The following SENP7 variants were observed in gnomAD, a reference collection of about 807,000 sequenced individuals.
The protein encoded by SENP7 is sentrin-specific protease 7.
SENP7 carries 64 observed loss-of-function variants against 141.2 expected under a neutral mutation model. The ratio of observed to expected loss-of-function variants is 0.45; its 90% CI spans 0.37 to 0.56. SENP7 has a LOEUF of 0.56. SENP7 is among the 20% of genes least tolerant of loss of function. The pLI is 0.00. For synonymous variants in SENP7, 382 were observed against 426.4 expected, an observed-to-expected ratio of 0.90 and a Z score of 1.28; for missense variants, 1,025 against 1,212.2, an observed-to-expected ratio of 0.85 and a Z score of 2.29.
At chr3:101,463,378 T>TATATATATATATATAGAC (rs1553744687) in intron 3 of SENP7, among the ~76,000 whole-genome samples, 1 of 84,410 alleles carries the variant, frequency 1.2e-5, no homozygotes, top group Non-Finnish European at 2.2e-5. Flanking sequence ...TATATATATA[T>TATATATATATATATAGAC]ATATATATAT....
intron 23 of SENP7, 66 bp downstream of exon 23, chr3:101,327,600 C>T (rs2058938100): frequency 3.2e-6 from 4 of 1,253,864 alleles, no homozygotes; most frequent in Admixed American, 2.2e-5. Flanking sequence ...CGGACTATTA[C>T]ACCCAGTAAC....
intron 4 of SENP7, among the ~76,000 whole-genome samples, chr3:101,455,644 A>G (rs1447875341): frequency 6.6e-6 from 1 of 152,194 alleles, no homozygotes; most frequent in Non-Finnish European, 1.5e-5. Flanking sequence ...CCATTAAAAG[A>G]GAAAAACCAA....
rs2062938061 is a variant in SENP7 at position 101,447,407 on chromosome 3, A to C, written c.284+11548T>G. On this transcript the variant is annotated intron_variant, in intron 4 of 23. Coordinates refer to ENST00000394095, the MANE Select transcript of SENP7 (RefSeq NM_020654.5). ...CAGTGAGTTATGACCATGGCACTGTACTCCAGTCCACGCAACAGAACAAGA... is the reference window on the plus strand; with the variant it reads ...CAGTGAGTTATGACCATGGCACTGTCCTCCAGTCCACGCAACAGAACAAGA... Among the ~76,000 whole-genome samples the C allele has an allele frequency of 2.0e-5, 3 of 152,186 alleles. No individual in the cohort carries two copies. In the South Asian group the frequency reaches 6.2e-4, roughly 31 times the overall value.
chr3:101,344,659 A>G (rs972407821), intron 13 of SENP7, among the ~76,000 whole-genome samples: 1 of 152,200 alleles, frequency 6.6e-6, no homozygotes, highest in Admixed American at 6.5e-5. Context: ...CTCAAGATGT[A>G]TATTATATAG....
At chr3:101,345,676 C>A (rs1341673499) in intron 13 of SENP7, among the ~76,000 whole-genome samples, 2 of 152,106 alleles carry the variant, frequency 1.3e-5, no homozygotes. Context: ...GGAAAGGACA[C>A]CTTATTCAAC....
At chr3:101,429,981 G>T (rs916645594) in intron 4 of SENP7, among the ~76,000 whole-genome samples, 12 of 152,028 alleles carry the variant, frequency 7.9e-5, no homozygotes, top group Non-Finnish European at 1.3e-4. Context: ...TTATGTGATG[G>T]ATTACGTTTA....
At chr3:101,402,030 A>G (rs1032259921) in intron 5 of SENP7, among the ~76,000 whole-genome samples, 9 of 151,956 alleles carry the variant, frequency 5.9e-5, no homozygotes, top group Non-Finnish European at 1.2e-4. Context: ...CTATCTCCAT[A>G]ACATGAAATG....
chr3:101,431,848 C>T (rs1177880076), intron 4 of SENP7, among the ~76,000 whole-genome samples: 1 of 148,336 alleles, frequency 6.7e-6, no homozygotes, highest in Non-Finnish European at 1.5e-5. Context: ...GCATTTGTTA[C>T]TTGACAACTG....
chr3:101,421,213 AATGT>A (rs2107671830), intron 4 of SENP7, among the ~76,000 whole-genome samples: 1 of 152,256 alleles, frequency 6.6e-6, no homozygotes, highest in Non-Finnish European at 1.5e-5. Context: ...TTCCCCAAAA[AATGT>A]ATGTATATGT....
intron 4 of SENP7, among the ~76,000 whole-genome samples, chr3:101,449,862 A>C (rs565490292): frequency 6.6e-6 from 1 of 152,320 alleles, no homozygotes; most frequent in East Asian, 1.9e-4. Flanking sequence ...ATTCACACAT[A>C]ACAATATTAA....
chr3:101,354,705 G>T (rs1406358936), intron 11 of SENP7, among the ~76,000 whole-genome samples: 2 of 152,054 alleles, frequency 1.3e-5, no homozygotes, highest in African/African-American at 4.8e-5. Context: ...CAATTCACAT[G>T]TATATGTCTT....
intron 4 of SENP7, among the ~76,000 whole-genome samples, chr3:101,423,201 C>T (rs2061842907): frequency 6.6e-6 from 1 of 151,954 alleles, no homozygotes; most frequent in Non-Finnish European, 1.5e-5. Context: ...TCTTATTTTT[C>T]TGGTCTTTAA....
intron 6 of SENP7, among the ~76,000 whole-genome samples, chr3:101,383,083 T>C (rs1328519222): frequency 2.0e-5 from 3 of 152,220 alleles, no homozygotes; most frequent in East Asian, 3.8e-4. Context: ...CCAAATCTCA[T>C]AGTGAACTAT....
intron 4 of SENP7, among the ~76,000 whole-genome samples, chr3:101,422,336 A>AAAGGTT (rs2061815915): frequency 6.6e-6 from 1 of 152,172 alleles, no homozygotes; most frequent in Non-Finnish European, 1.5e-5. Context: ...GCTGCTTTAA[A>AAAGGTT]GGGTTATCAT....
chr3:101,500,707 T>C (rs1576540549), intron 2 of SENP7, among the ~76,000 whole-genome samples: 1 of 152,344 alleles, frequency 6.6e-6, no homozygotes, highest in South Asian at 2.1e-4. Context: ...ATAGTAATGT[T>C]CAGCACATAC....
intron 1 of SENP7, among the ~76,000 whole-genome samples, chr3:101,511,365 C>T (rs2065849363): frequency 6.6e-6 from 1 of 151,998 alleles, no homozygotes; most frequent in Non-Finnish European, 1.5e-5. Context: ...TGTATTAAAC[C>T]TAGATGAAAT....
chr3:101,442,530 C>T (rs1306455290), intron 4 of SENP7, among the ~76,000 whole-genome samples: 2 of 152,108 alleles, frequency 1.3e-5, no homozygotes, highest in East Asian at 3.8e-4. Flanking sequence ...CCTGGCTCTG[C>T]GGCCTGGTTC....
chr3:101,502,196 C>G (rs886963480), intron 1 of SENP7, among the ~76,000 whole-genome samples: 2 of 152,330 alleles, frequency 1.3e-5, no homozygotes, highest in Middle Eastern at 3.4e-3. Flanking sequence ...GGTGTTCACA[C>G]GCATCTGTGA....
chr3:101,348,304 T>C (rs1404084695), intron 12 of SENP7, among the ~76,000 whole-genome samples: 4 of 152,090 alleles, frequency 2.6e-5, no homozygotes, highest in Admixed American at 2.6e-4. Flanking sequence ...TAAATAGAGA[T>C]TGAATCTCTC....
Sources: allele counts gnomAD v4.1 joint callset (sites outside exome capture counted in the v4.1 genomes callset), GRCh38; gene constraint gnomAD v4.1.1; transcripts MANE v1.5; gene names NCBI Gene and HGNC (gene_info 2026-07-23, HGNC 2026-07-21).